The following NELL1 variants were observed in gnomAD, a reference collection of about 807,000 sequenced individuals.
The protein encoded by NELL1 is neural EGFL like 1, also known as protein kinase C-binding protein NELL1.
In NELL1, 76 loss-of-function variants were observed where a neutral mutation model predicts 107.4. That is an observed-to-expected ratio of 0.71 (90% CI 0.59 to 0.86). The LOEUF (loss-of-function observed/expected upper bound fraction) is 0.86, where lower values mean the gene tolerates loss of function less well. Among genes scored for constraint, NELL1 ranks in the 40% least tolerant of loss-of-function variants. NELL1 has a pLI of 0.00. For missense variants in NELL1, 1,024 were observed against 1,005.5 expected, an observed-to-expected ratio of 1.02 and a Z score of -0.25; for synonymous variants, 353 against 341.2, an observed-to-expected ratio of 1.03 and a Z score of -0.38.
intron 13 of NELL1, among the ~76,000 whole-genome samples, chr11:21,131,537 G>A (rs1855617265): frequency 6.6e-6 from 1 of 152,188 alleles, no homozygotes; most frequent in Non-Finnish European, 1.5e-5. Context: ...ACCATTAAGT[G>A]CTGACGTCTT....
chr11:21,436,364 T>G (rs1005620494), intron 15 of NELL1, among the ~76,000 whole-genome samples: 4 of 152,148 alleles, frequency 2.6e-5, no homozygotes, highest in African/African-American at 9.7e-5. Context: ...TCTTCCTTAT[T>G]TAATCTTGTT....
chr11:21,174,529 C>A (rs1295429651), intron 13 of NELL1, among the ~76,000 whole-genome samples: 3 of 151,604 alleles, frequency 2.0e-5, no homozygotes, highest in African/African-American at 4.9e-5. Context: ...TAAATATATC[C>A]TCTATCTTGA....
chr11:20,922,686 G>A (rs920193850), intron 7 of NELL1, among the ~76,000 whole-genome samples: 3 of 152,030 alleles, frequency 2.0e-5, no homozygotes. Context: ...ATTAAGATGG[G>A]TAGACAGTCA....
intron 12 of NELL1, among the ~76,000 whole-genome samples, chr11:21,111,765 A>G (rs1446980261): frequency 6.6e-6 from 1 of 152,062 alleles, no homozygotes; most frequent in Non-Finnish European, 1.5e-5. Context: ...TTTGAAAAGG[A>G]TGGGGAAATA....
chr11:20,981,220 G>A (rs766315003), intron 12 of NELL1, among the ~76,000 whole-genome samples: 2 of 152,074 alleles, frequency 1.3e-5, no homozygotes, highest in Non-Finnish European at 2.9e-5. Flanking sequence ...CCAGACAGAA[G>A]GAAAGGCATA....
At chr11:21,429,417 C>A (rs942099174) in intron 15 of NELL1, among the ~76,000 whole-genome samples, 15 of 152,138 alleles carry the variant, frequency 9.9e-5, no homozygotes, top group African/African-American at 3.4e-4. Flanking sequence ...TCATTGGGGG[C>A]AAAGTTTGAC....
At chr11:20,826,371 A>T (rs1333342211) in intron 3 of NELL1, among the ~76,000 whole-genome samples, 1 of 151,246 alleles carries the variant, frequency 6.6e-6, no homozygotes, top group Non-Finnish European at 1.5e-5. Context: ...CATTCTCCTT[A>T]CATGCATTAC....
intron 13 of NELL1, among the ~76,000 whole-genome samples, chr11:21,206,643 A>C (rs1274290828): frequency 6.6e-6 from 1 of 152,118 alleles, no homozygotes; most frequent in Non-Finnish European, 1.5e-5. Flanking sequence ...CTGAGCCTCA[A>C]AGCATCTGGA....
chr11:21,466,126 G>T (rs925498705), intron 15 of NELL1, among the ~76,000 whole-genome samples: 7 of 152,110 alleles, frequency 4.6e-5, no homozygotes, highest in African/African-American at 1.7e-4. Flanking sequence ...TAGTGGCAGA[G>T]AATTGTGTCT....
intron 13 of NELL1, among the ~76,000 whole-genome samples, chr11:21,190,403 G>A (rs1857024825): frequency 6.6e-6 from 1 of 151,646 alleles, no homozygotes; most frequent in Non-Finnish European, 1.5e-5. Context: ...GGGAATACTG[G>A]AATTCACAAC....
chr11:21,392,074 G>A (rs528837985), intron 15 of NELL1, among the ~76,000 whole-genome samples: 3 of 151,740 alleles, frequency 2.0e-5, no homozygotes, highest in Non-Finnish European at 4.4e-5. Context: ...ACAAAAGATT[G>A]TAAAATTCAG....
intron 15 of NELL1, among the ~76,000 whole-genome samples, chr11:21,401,921 A>C (rs911727373): frequency 6.6e-6 from 1 of 151,806 alleles, no homozygotes; most frequent in Admixed American, 6.6e-5. Flanking sequence ...CAATGTAGAT[A>C]TAGAACTGTG....
chr11:20,944,275 A>G (rs1447356525), intron 10 of NELL1, among the ~76,000 whole-genome samples: 1 of 152,204 alleles, frequency 6.6e-6, no homozygotes, highest in Admixed American at 6.5e-5. Context: ...CAATTAGTCA[A>G]AAAACAAACT....
At chr11:20,840,583 G>T (rs867431413) in intron 3 of NELL1, among the ~76,000 whole-genome samples, 2 of 152,190 alleles carry the variant, frequency 1.3e-5, no homozygotes, top group African/African-American at 4.8e-5. Flanking sequence ...TCCCCAGTAC[G>T]GTCTGGACTT....
chr11:21,406,769 A>T (rs2133804909), intron 15 of NELL1, among the ~76,000 whole-genome samples: 1 of 152,136 alleles, frequency 6.6e-6, no homozygotes, highest in African/African-American at 2.4e-5. Context: ...GTGTGTAATA[A>T]TCATATCAGA....
At chr11:21,440,246 A>C (rs531811427) in intron 15 of NELL1, among the ~76,000 whole-genome samples, 1 of 152,284 alleles carries the variant, frequency 6.6e-6, no homozygotes, top group Non-Finnish European at 1.5e-5. Flanking sequence ...CAATGCTCTA[A>C]GTTATTTTAA....
chr11:20,790,424 G>T (rs1857050772), intron 3 of NELL1, among the ~76,000 whole-genome samples: 1 of 152,232 alleles, frequency 6.6e-6, no homozygotes, highest in Non-Finnish European at 1.5e-5. Flanking sequence ...TCAAAGATTG[G>T]TGCAGGTGCT....
intron 15 of NELL1, among the ~76,000 whole-genome samples, chr11:21,416,789 C>A (rs911833587): frequency 6.6e-6 from 1 of 151,994 alleles, no homozygotes; most frequent in African/African-American, 2.4e-5. Flanking sequence ...CAGCTTGACC[C>A]ATCTTCATTT....
chr11:20,937,664 T>A, intron 9 of NELL1, 122 bp from the exon 10 acceptor site: 1 of 700,404 alleles, frequency 1.4e-6, no homozygotes, highest in Non-Finnish European at 2.5e-6. Context: ...GACAAAGAGA[T>A]TTGTATTGCT....
Sources: gnomAD v4.1 joint callset for allele counts (sites outside exome capture counted in the v4.1 genomes callset) on GRCh38, gnomAD v4.1.1 for gene constraint, MANE v1.5 for transcripts, NCBI Gene and HGNC (gene_info 2026-07-23, HGNC 2026-07-21) for gene names.